Variants in PLEKHB1 observed in about 807,000 individuals in gnomAD.
PLEKHB1 encodes pleckstrin homology domain containing B1.
In PLEKHB1, 29 loss-of-function variants were observed where a neutral mutation model predicts 36.2. The ratio of observed to expected loss-of-function variants is 0.80; its 90% confidence interval spans 0.60 to 1.09. The LOEUF (loss-of-function observed/expected upper bound fraction) is 1.09. Ranked by LOEUF, PLEKHB1 falls within the 50% of genes least tolerant of loss-of-function variation. PLEKHB1 has a pLI of 0.00. For synonymous variants in PLEKHB1, 138 were observed against 140.0 expected, an observed-to-expected ratio of 0.99 and a Z score of 0.10; for missense variants, 330 against 348.2, an observed-to-expected ratio of 0.95 and a Z score of 0.42.
chr11:73,656,139 T>G (rs993352535), intron 6 of PLEKHB1, among the ~76,000 whole-genome samples: 1 of 152,194 alleles, frequency 6.6e-6, no homozygotes, highest in Admixed American at 6.5e-5. Flanking sequence ...AGTTTCCTCA[T>G]TCACCTGACA....
At chr11:73,659,864 G>C (rs1027735353) in intron 6 of PLEKHB1, among the ~76,000 whole-genome samples, 1 of 152,188 alleles carries the variant, frequency 6.6e-6, no homozygotes, top group Non-Finnish European at 1.5e-5. Flanking sequence ...TAACACACGT[G>C]ATCACTTCCT....
At chr11:73,655,727 G>C in intron 5 of PLEKHB1, 76 bp from the exon 6 acceptor site, 5 of 1,289,534 alleles carry the variant, frequency 3.9e-6, no homozygotes, top group Middle Eastern at 1.8e-4. Flanking sequence ...AAGAGCTCTT[G>C]AGTCTCTTTA....
At chr11:73,653,263 C>G (rs1944933328) in intron 5 of PLEKHB1, 6 of 664,954 alleles carry the variant, frequency 9.0e-6, no homozygotes, top group Non-Finnish European at 1.7e-5. Flanking sequence ...GGAGAAGGAA[C>G]TGTCTTTTAT....
chr11:73,648,699 G>C (rs1944819959), intron 1 of PLEKHB1: 2 of 1,096,322 alleles, frequency 1.8e-6, no homozygotes, highest in Non-Finnish European at 2.2e-6. Flanking sequence ...CACTTCTACA[G>C]ATCTAGAAAC....
Position 73,650,713 on chromosome 11 carries a change from G to GA in PLEKHB1, c.247+10dup, listed in dbSNP as rs757707362. ...TCGGCCCAGAGTGCCATGGTGAGCA[G>GA]AAGCCCCTTCCTCTGTGGCACCGTG... On this transcript the variant is annotated intron_variant, in intron 3 of 7. Coordinates refer to ENST00000354190, the MANE Select transcript of PLEKHB1 (RefSeq NM_021200.3). 5.0e-6 allele frequency: 8 copies of GA among 1,595,426 alleles called. No individual in the cohort carries two copies. The highest frequency in any genetic ancestry group is 6.8e-6 in the Non-Finnish European group (8 of 1,170,612).
chr11:73,650,744 G>A lies in PLEKHB1; in HGVS notation c.247+39G>A, dbSNP rs370192996. The A allele has an allele frequency of 1.4e-5, 22 of 1,549,358 alleles. 1 individual carries two copies. The African/African-American group carries it at 2.9e-4, about 20-fold the overall frequency. On this transcript the variant is annotated intron_variant, in intron 3 of 7. Transcript: ENST00000354190. ...CCTTCCTCTGTGGCACCGTGACTGT[G>A]GGCAGAGCCTCCCGCTGTCTCCGAG...
At chr11:73,650,740 CTG>C in intron 3 of PLEKHB1, 35 bp downstream of exon 3, 1 of 1,561,266 alleles carries the variant, frequency 6.4e-7, no homozygotes, top group African/African-American at 1.4e-5. Context: ...GGCACCGTGA[CTG>C]TGGGCAGAGC....
At chr11:73,647,817 A>AG (rs1944797350) in intron 1 of PLEKHB1, 1 of 979,138 alleles carries the variant, frequency 1.0e-6, no homozygotes, top group Non-Finnish European at 1.2e-6. Context: ...GACCGTGGAG[A>AG]GGGGAGGGAG....
intron 6 of PLEKHB1, among the ~76,000 whole-genome samples, chr11:73,656,773 T>TA (rs1316052772): frequency 6.6e-6 from 1 of 152,212 alleles, no homozygotes; most frequent in African/African-American, 2.4e-5. Flanking sequence ...TTTAGGAACT[T>TA]ACAAGCACTA....
intron 5 of PLEKHB1, among the ~76,000 whole-genome samples, chr11:73,653,935 T>C (rs1250807997): frequency 6.6e-6 from 1 of 152,088 alleles, no homozygotes; most frequent in Admixed American, 6.5e-5. Context: ...TCAGGTTCAA[T>C]TTATATTTTT....
In PLEKHB1 at chr11:73,661,721, C is replaced by A; in HGVS notation, c.*119C>A. ...TTTGGCCCTATCCTCTCCATTAGCTCCTTCCGGGTTTGGACCATTCCCCCC... is the reference window on the plus strand; with the variant it reads ...TTTGGCCCTATCCTCTCCATTAGCTACTTCCGGGTTTGGACCATTCCCCCC... On this transcript the variant is annotated 3_prime_UTR_variant, in exon 8 of 8. Coordinates refer to ENST00000354190, the MANE Select transcript of PLEKHB1 (RefSeq NM_021200.3). This position sits in a 1 kb window ranked among gnomAD's most constrained non-coding sequence, Gnocchi z 4.6. 1 of 1,309,186 alleles carries A rather than the reference C, an allele frequency of 7.6e-7. No individual in the cohort carries two copies. The highest frequency in any genetic ancestry group is 2.4e-5 in the Admixed American group (1 of 41,444). 81.1% of individuals were successfully genotyped at this position (1,309,186 alleles called of 1,614,324 possible). A position where few individuals can be genotyped will look rare whatever the true frequency, so the allele number is the denominator to read the frequency against.
At chr11:73,659,182 T>C (rs1190577356) in intron 6 of PLEKHB1, among the ~76,000 whole-genome samples, 1 of 148,796 alleles carries the variant, frequency 6.7e-6, no homozygotes, top group African/African-American at 2.5e-5. Context: ...GCTGATACCA[T>C]GCCATTGCAC....
At chr11:73,653,707 G>A (rs1944943104) in intron 5 of PLEKHB1, among the ~76,000 whole-genome samples, 1 of 152,180 alleles carries the variant, frequency 6.6e-6, no homozygotes, top group Admixed American at 6.5e-5. Context: ...CAGGCAGAGG[G>A]ATCAGCATGT....
At position 73,661,492 on chromosome 11, in the gene PLEKHB1, C is replaced by A. The variant is rs764778109; in HGVS notation, c.622C>A (p.Arg208=). The change falls in exon 8 of 8, where the codon CGG becomes AGG. Residue 208 remains arginine (R), a synonymous_variant. Transcript: ENST00000354190. The surrounding 1 kb of genome is among the most constrained non-coding windows in gnomAD (Gnocchi z 4.6). ...AGPGVTHVIV[R]EDPCYSAGAP... ...CCCTGGCGTGACGCACGTGATAGTG[C>A]GGGAGGATCCCTGCTACAGCGCCGG... 5.0e-6 allele frequency: 8 copies of A among 1,613,656 alleles called. No homozygotes were observed. Among genetic ancestry groups the A allele is most frequent in the South Asian group, 3.3e-5 (3 of 91,088 alleles).
chr11:73,651,910 G>C lies in PLEKHB1; in HGVS notation c.350+20G>C. On this transcript the variant is annotated intron_variant, in intron 4 of 7. Transcript: ENST00000354190. The stretch of plus-strand genomic sequence containing the variant: ...TGCCCTGTGAGTCACTCCCAGGAGA[G>C]GATGGGGTGGAATCTCGGGGAAAGT... 1 of 1,605,164 alleles carries C rather than the reference G, an allele frequency of 6.2e-7. No individual in the cohort carries two copies. The highest frequency in any genetic ancestry group is 8.5e-7 in the Non-Finnish European group (1 of 1,173,958).
chr11:73,648,786 T>TC, intron 1 of PLEKHB1: 1 of 1,293,220 alleles, frequency 7.7e-7, no homozygotes, highest in Non-Finnish European at 9.9e-7. Flanking sequence ...AGGCTCCTGG[T>TC]CCCCACCCCC....
intron 4 of PLEKHB1, 135 bp from the exon 5 acceptor site, chr11:73,652,839 AG>A: frequency 1.5e-6 from 1 of 688,798 alleles, no homozygotes; most frequent in Non-Finnish European, 2.4e-6. Context: ...TGTCTTCCTG[AG>A]GGAGACAAGA....
At chr11:73,650,972 C>T (rs957528699) in intron 3 of PLEKHB1, among the ~76,000 whole-genome samples, 4 of 151,170 alleles carry the variant, frequency 2.6e-5, no homozygotes, top group Non-Finnish European at 4.4e-5. Flanking sequence ...TAGATCAGCC[C>T]GGCCAACATA....
At chr11:73,646,759 G>A in intron 1 of PLEKHB1, 133 bp downstream of exon 1, 1 of 941,752 alleles carries the variant, frequency 1.1e-6, no homozygotes, top group Non-Finnish European at 1.7e-6. Flanking sequence ...GTGGCTGCTG[G>A]TAGGTGAGGG....
Sources: gnomAD v4.1 joint callset for allele counts (sites outside exome capture counted in the v4.1 genomes callset) on GRCh38, gnomAD v4.1.1 for gene constraint, Gnocchi (gnomAD v3.1) non-coding constraint, MANE v1.5 for transcripts, NCBI Gene and HGNC (gene_info 2026-07-23, HGNC 2026-07-21) for gene names.